PYGO1: variants seen among roughly 807,000 people sequenced by gnomAD.
PYGO1 encodes pygopus family PHD finger 1, also known as pygopus homolog 1.
A neutral mutation model predicts 29.5 loss-of-function variants in PYGO1; 6 were observed. The ratio of observed to expected loss-of-function variants is 0.20; its 90% CI spans 0.11 to 0.40. The LOEUF is 0.40. PYGO1 is among the 10% of genes least tolerant of loss of function. The probability of loss-of-function intolerance (pLI) is 1.00; values close to 1 mark genes in which losing one functional copy is unlikely to be tolerated. For missense variants in PYGO1, 515 were observed against 514.9 expected (o/e 1.00, Z 0.00); for synonymous variants, 186 against 180.5 (o/e 1.03, Z -0.24).
At chr15:55,566,070 C>T (rs895851508) in intron 1 of PYGO1, among the ~76,000 whole-genome samples, 8 of 152,132 alleles carry the variant, frequency 5.3e-5, no homozygotes, top group South Asian at 2.1e-4. Flanking sequence ...CGTGAGCCAC[C>T]GTGTCTGGCT....
chr15:55,585,721 A>C (rs1258709058), intron 1 of PYGO1, among the ~76,000 whole-genome samples: 1 of 152,214 alleles, frequency 6.6e-6, no homozygotes, highest in Admixed American at 6.5e-5. Flanking sequence ...ACAATAAAAC[A>C]CTCATCCATT....
At chr15:55,554,468 C>CAAAAAAAAAAAAAAAAAAAAAAA (rs56216226) in intron 1 of PYGO1, among the ~76,000 whole-genome samples, 27 of 122,892 alleles carry the variant, frequency 2.2e-4, no homozygotes, top group Non-Finnish European at 3.1e-4. Flanking sequence ...GACTCTGTCT[C>CAAAAAAAAAAAAAAAAAAAAAAA]AAAAAAAAAA....
At chr15:55,566,412 T>C (rs1051238405) in intron 1 of PYGO1, among the ~76,000 whole-genome samples, 4 of 150,896 alleles carry the variant, frequency 2.7e-5, no homozygotes, top group African/African-American at 7.3e-5. Flanking sequence ...ATTTCATTCT[T>C]TTTTTTTTAT....
chr15:55,586,935 C>T (rs1180858046), intron 1 of PYGO1, among the ~76,000 whole-genome samples: 1 of 152,204 alleles, frequency 6.6e-6, no homozygotes, highest in African/African-American at 2.4e-5. Flanking sequence ...AGAGGGTGAA[C>T]TCCTACTGGA....
intron 1 of PYGO1, among the ~76,000 whole-genome samples, chr15:55,554,728 T>G (rs1049643913): frequency 6.6e-6 from 1 of 152,068 alleles, no homozygotes; most frequent in Non-Finnish European, 1.5e-5. Flanking sequence ...ATGATGTAAT[T>G]ACAAGTGTCA....
rs1292361783 is a variant in PYGO1 at position 55,546,958 on chromosome 15, G to T, written c.325C>A (p.His109Asn). 1 of 1,614,090 alleles carries T rather than the reference G, an allele frequency of 6.2e-7. No individual in the cohort carries two copies. Among genetic ancestry groups the T allele is most frequent in the East Asian group, 2.2e-5 (1 of 44,880 alleles). ...GGYSTFRMPPHVPPRMSSPYC... is the reference protein window; with the variant it reads ...GGYSTFRMPPNVPPRMSSPYC... Reference sequence around the variant, plus strand: ...GGGGAAGACATTCTTGGGGGAACGTGAGGTGGCATTCTGAATGTACTATAG... The same window carrying T: ...GGGGAAGACATTCTTGGGGGAACGTTAGGTGGCATTCTGAATGTACTATAG... The change falls in exon 3 of 3, where the codon CAC becomes AAC. Residue 109 changes from histidine to asparagine, a missense_variant. Physicochemically the swap from His to Asn is moderately conservative, Grantham distance 68 (BLOSUM62 1). Coordinates refer to ENST00000563719, the MANE Select transcript of PYGO1 (RefSeq NM_001367806.1).
rs1327295783 is a variant in PYGO1, at chr15:55,542,442, CTAAAG to C, written c.*3576_*3580del. 1 of 152,152 alleles carries C rather than the reference CTAAAG, an allele frequency of 6.6e-6. No homozygotes were observed. Among genetic ancestry groups the C allele is most frequent in the Non-Finnish European group, 1.5e-5 (1 of 68,032 alleles). The allele number at this position is 152,152 out of a possible 1,614,324, so 9.4% of individuals were successfully genotyped here. The stretch of plus-strand genomic sequence containing the variant: ...TTTGAATAACAATTATAGCAGTACT[CTAAAG>C]TATTTCACACAAAAGGAAAACACTG... On this transcript the variant is annotated 3_prime_UTR_variant, in exon 3 of 3. Transcript: ENST00000563719.
intron 1 of PYGO1, among the ~76,000 whole-genome samples, chr15:55,585,560 G>T (rs1248940766): frequency 6.6e-6 from 1 of 152,012 alleles, no homozygotes; most frequent in East Asian, 1.9e-4. Context: ...TAAAAATACT[G>T]ACTTTTTATT....
At chr15:55,573,788 C>G (rs533219469) in intron 1 of PYGO1, among the ~76,000 whole-genome samples, 23 of 152,166 alleles carry the variant, frequency 1.5e-4, no homozygotes, top group African/African-American at 5.3e-4. Context: ...ACATGAAGAA[C>G]TGATTAACAA....
At chr15:55,582,064 G>A (rs974958061) in intron 1 of PYGO1, among the ~76,000 whole-genome samples, 6 of 151,878 alleles carry the variant, frequency 4.0e-5, no homozygotes, top group African/African-American at 1.2e-4. Context: ...AAAATTAGCC[G>A]GGCGTGGTGG....
chr15:55,565,555 A>T (rs576409667), intron 1 of PYGO1, among the ~76,000 whole-genome samples: 81 of 144,528 alleles, frequency 5.6e-4, no homozygotes, highest in Non-Finnish European at 8.0e-4. Flanking sequence ...AATAAAAATT[A>T]AAAAAAAAAA....
rs1471192532 is a variant in PYGO1 at position 55,540,326 on chromosome 15, T to C, written c.*5697A>G. ...ATTACAGTACTACTTATTTTGGTTA[T>C]GATGAAGTGAATGATGTCTTTTTTG... On this transcript the variant is annotated 3_prime_UTR_variant, in exon 3 of 3. Transcript: ENST00000563719. 1 of 152,060 alleles carries C rather than the reference T, an allele frequency of 6.6e-6. No homozygotes were observed. The highest frequency in any genetic ancestry group is 1.5e-5 in the Non-Finnish European group (1 of 67,936). The allele number at this position is 152,060 out of a possible 1,614,324, so 9.4% of individuals were successfully genotyped here. A position where few individuals can be genotyped will look rare whatever the true frequency, so the allele number is the denominator to read the frequency against.
chr15:55,541,314 C>A lies in PYGO1; in HGVS notation c.*4709G>T, dbSNP rs1401257509. ...ATGCAGATGTGACTTTTATAATGCT[C>A]TACTGGATGGAACAATAAGCTACTA... On this transcript the variant is annotated 3_prime_UTR_variant, in exon 3 of 3. Coordinates refer to ENST00000563719, the MANE Select transcript of PYGO1 (RefSeq NM_001367806.1). 6.6e-6 allele frequency: 1 copy of A among 152,084 alleles called. No homozygotes were observed. Among genetic ancestry groups the A allele is most frequent in the African/African-American group, 2.4e-5 (1 of 41,386 alleles). The allele number at this position is 152,084 out of a possible 1,614,324, so 9.4% of individuals were successfully genotyped here.
chr15:55,587,299 A>C (rs1340709918), intron 1 of PYGO1, among the ~76,000 whole-genome samples: 1 of 151,988 alleles, frequency 6.6e-6, no homozygotes, highest in Non-Finnish European at 1.5e-5. Context: ...CCAACAGAGA[A>C]AATGCCTTCT....
chr15:55,574,086 A>G (rs62021868), intron 1 of PYGO1, among the ~76,000 whole-genome samples: 8,308 of 152,214 alleles, frequency 0.055, 280 homozygotes, highest in Middle Eastern at 0.068. Context: ...GTGGCACTTT[A>G]TATGGGTCCC....
chr15:55,564,237 T>C (rs1257454835), intron 1 of PYGO1, among the ~76,000 whole-genome samples: 2 of 152,048 alleles, frequency 1.3e-5, no homozygotes, highest in East Asian at 3.9e-4. Flanking sequence ...TACTCAGCCA[T>C]AAAAAGGAAT....
intron 1 of PYGO1, among the ~76,000 whole-genome samples, chr15:55,564,113 T>C (rs571347847): frequency 6.6e-6 from 1 of 152,306 alleles, no homozygotes; most frequent in Non-Finnish European, 1.5e-5. Flanking sequence ...GCACAAAAAC[T>C]TGTACAACGT....
At chr15:55,588,587 G>A (rs1372398089), upstream of PYGO1, among the ~76,000 whole-genome samples, 2 of 140,130 alleles carry the variant, frequency 1.4e-5, no homozygotes, top group African/African-American at 4.9e-5. Context: ...TCGCGGGCCC[G>A]CGGCTCTTGC....
chr15:55,544,394 A>G lies in PYGO1; in HGVS notation c.*1629T>C, dbSNP rs916662255. On this transcript the variant is annotated 3_prime_UTR_variant, in exon 3 of 3. Transcript: ENST00000563719. ...TGCATTGTTTCTTAGAAAAAGCTCC[A>G]AATGATAGACAGTAGTCCATGGAAT... 2 of 152,184 alleles carry G rather than the reference A, an allele frequency of 1.3e-5. No individual in the cohort carries two copies. Among genetic ancestry groups the G allele is most frequent in the African/African-American group, 4.8e-5 (2 of 41,446 alleles). The allele number at this position is 152,184 out of a possible 1,614,324, so 9.4% of individuals were successfully genotyped here. A position where few individuals can be genotyped will look rare whatever the true frequency, so the allele number is the denominator to read the frequency against.
Sources: allele counts gnomAD v4.1 joint callset (sites outside exome capture counted in the v4.1 genomes callset), GRCh38; gene constraint gnomAD v4.1.1; transcripts MANE v1.5; gene names NCBI Gene and HGNC (gene_info 2026-07-23, HGNC 2026-07-21).